OPHN1: variants seen among roughly 807,000 people sequenced by gnomAD.
OPHN1 encodes oligophrenin-1.
In OPHN1, 11 loss-of-function variants were observed where a neutral mutation model predicts 60.7. That is an observed-to-expected ratio of 0.18 (90% CI 0.11 to 0.30). The LOEUF is 0.30. OPHN1 is among the 10% of genes least tolerant of loss of function. The pLI, the probability that OPHN1 is intolerant of heterozygous loss-of-function variation, is 1.00. For synonymous variants in OPHN1, 226 were observed against 222.6 expected (o/e 1.02, Z -0.14); for missense variants, 449 against 611.0 (o/e 0.73, Z 2.80).
intron 4 of OPHN1, among the ~76,000 whole-genome samples, chrX:68,280,062 T>C (rs774426464): frequency 9.0e-6 from 1 of 111,684 alleles, no homozygotes; most frequent in South Asian, 3.8e-4. Flanking sequence ...ACAAACCCTG[T>C]GGGCAGAGAA....
intron 5 of OPHN1, among the ~76,000 whole-genome samples, chrX:68,237,289 G>T (rs1400633807): frequency 8.9e-6 from 1 of 112,628 alleles, no homozygotes; most frequent in Non-Finnish European, 1.9e-5. Context: ...CCGGCCTGTA[G>T]TAAGTTTTGA....
intron 21 of OPHN1, among the ~76,000 whole-genome samples, chrX:68,062,599 A>C (rs909409499): frequency 2.7e-5 from 3 of 112,264 alleles, no homozygotes; most frequent in Non-Finnish European, 5.6e-5. Flanking sequence ...CATAAGTCTT[A>C]TTCATTTCTA....
chrX:68,071,233 AGACT>A, intron 20 of OPHN1: 1 of 664,686 alleles, frequency 1.5e-6, no homozygotes. Flanking sequence ...CTTCTGTGGC[AGACT>A]GACTCCTACC....
intron 2 of OPHN1, among the ~76,000 whole-genome samples, chrX:68,314,568 G>A (rs761944356): frequency 6.8e-4 from 75 of 110,499 alleles, no homozygotes; most frequent in Non-Finnish European, 1.1e-3. Flanking sequence ...AAAAATAAAA[G>A]CCCTGGACCA....
intron 6 of OPHN1, among the ~76,000 whole-genome samples, chrX:68,215,300 A>C (rs1255387871): frequency 9.0e-6 from 1 of 111,548 alleles, no homozygotes; most frequent in Admixed American, 9.6e-5. Context: ...AAGAATGACA[A>C]ACATGGAGTA....
chrX:68,107,434 G>T (rs1033486689), intron 18 of OPHN1, among the ~76,000 whole-genome samples: 1 of 111,362 alleles, frequency 9.0e-6, no homozygotes. Context: ...TTTGATTCAG[G>T]CTACGTATTT....
At chrX:68,299,193 A>G in intron 2 of OPHN1, 97 bp from the exon 3 acceptor site, 2 of 541,773 alleles carry the variant, frequency 3.7e-6, no homozygotes. Context: ...ACCAAAGGTA[A>G]GTGCTCTGAG....
intron 2 of OPHN1, among the ~76,000 whole-genome samples, chrX:68,376,525 G>T (rs1036799546): frequency 9.0e-6 from 1 of 111,363 alleles, no homozygotes; most frequent in Non-Finnish European, 1.9e-5. Flanking sequence ...TGTTTGGTGG[G>T]TGTGTTACTG....
intron 15 of OPHN1, among the ~76,000 whole-genome samples, chrX:68,177,608 G>A (rs1337579447): frequency 7.2e-5 from 8 of 111,277 alleles, no homozygotes; most frequent in East Asian, 2.8e-4. Flanking sequence ...ACATCTGCTC[G>A]GTTTCTGGGG....
At chrX:68,384,624 A>C (rs764942903) in intron 2 of OPHN1, among the ~76,000 whole-genome samples, 3 of 110,339 alleles carry the variant, frequency 2.7e-5, no homozygotes, top group Non-Finnish European at 3.8e-5. Context: ...CGGAAGGCTG[A>C]GGCTGGAAAA....
intron 5 of OPHN1, among the ~76,000 whole-genome samples, chrX:68,262,068 C>A (rs1055537959): frequency 5.4e-5 from 6 of 111,360 alleles, no homozygotes; most frequent in African/African-American, 1.6e-4. Flanking sequence ...TTTAAAATAA[C>A]AGAAGTAAGC....
At chrX:68,355,891 A>C (rs1028427881) in intron 2 of OPHN1, among the ~76,000 whole-genome samples, 2 of 110,808 alleles carry the variant, frequency 1.8e-5, no homozygotes, top group African/African-American at 6.6e-5. Flanking sequence ...TAAATAAATA[A>C]AAGAATTAGC....
At chrX:68,292,189 C>A (rs1040542159) in intron 3 of OPHN1, among the ~76,000 whole-genome samples, 1 of 111,428 alleles carries the variant, frequency 9.0e-6, no homozygotes, top group East Asian at 2.8e-4. Flanking sequence ...AGGTATGCAT[C>A]GCTGAGCCCA....
chrX:68,201,607 G>A lies in OPHN1; in HGVS notation c.1025+12C>T, dbSNP rs372947910. 14 of 1,196,925 alleles carry A rather than the reference G, an allele frequency of 1.2e-5. No homozygotes were observed. Among genetic ancestry groups the A allele is most frequent in the South Asian group, 1.1e-4 (6 of 56,490 alleles). ...CGTGGGGACATTGCCAATTCACAGC[G>A]GCACAGCTTACCTTTCATTAGTTTC... On this transcript the variant is annotated intron_variant, in intron 11 of 24. Coordinates refer to ENST00000355520, the MANE Select transcript of OPHN1 (RefSeq NM_002547.3).
intron 3 of OPHN1, 95 bp downstream of exon 3, chrX:68,298,906 A>C: frequency 1.9e-6 from 1 of 526,566 alleles, no homozygotes; most frequent in Non-Finnish European, 3.3e-6. Flanking sequence ...CAGTGGATGA[A>C]GATGTCCAAG....
At chrX:68,313,804 C>A (rs1234464053) in intron 2 of OPHN1, among the ~76,000 whole-genome samples, 2 of 111,081 alleles carry the variant, frequency 1.8e-5, no homozygotes, top group Non-Finnish European at 3.8e-5. Flanking sequence ...TAACTATAGT[C>A]AACAACAATT....
Position 68,157,021 on chromosome X carries a change from T to C in OPHN1, c.1276+35898A>G, listed in dbSNP as rs184118575. On this transcript the variant is annotated intron_variant, in intron 15 of 24. Coordinates refer to ENST00000355520, the MANE Select transcript of OPHN1 (RefSeq NM_002547.3). ...GAATAGGAATAAAAGGTAAAAATTA[T>C]GCCTTGAAAAGATGCCATGGTAAGG... 2.8e-4 allele frequency among the ~76,000 whole-genome samples: 31 copies of C among 112,241 alleles called. No homozygotes were observed. The East Asian group carries it at 7.0e-3, about 25-fold the overall frequency.
At chrX:68,379,693 GT>G (rs748246880) in intron 2 of OPHN1, among the ~76,000 whole-genome samples, 1 of 110,130 alleles carries the variant, frequency 9.1e-6, no homozygotes, top group Non-Finnish European at 1.9e-5. Flanking sequence ...ATAATCATGT[GT>G]TTTTTGTCTT....
Position 68,073,237 on chromosome X carries a change from T to G in OPHN1, c.1749A>C (p.Ala583=), listed in dbSNP as rs35137641. ...AAATCGTGATTGGTTTGTGCCTTCT[T>G]GCTGTCACCCGAGGCGGAGGCACTG... ...APPVPPPRVT[A]RRHKPITISK... The change falls in exon 20 of 25, where the codon GCA becomes GCC. Residue 583 remains alanine (A), a synonymous_variant. Transcript: ENST00000355520. 2 of 1,211,715 alleles carry G rather than the reference T, an allele frequency of 1.7e-6. No homozygotes were observed. The highest frequency in any genetic ancestry group is 2.2e-5 in the Admixed American group (1 of 46,052).
Sources: allele counts gnomAD v4.1 joint callset (sites outside exome capture counted in the v4.1 genomes callset), GRCh38; gene constraint gnomAD v4.1.1; transcripts MANE v1.5; gene names NCBI Gene and HGNC (gene_info 2026-07-23, HGNC 2026-07-21).